Variants in TESK2 observed in about 807,000 individuals in gnomAD.
TESK2 encodes the protein testis associated actin remodelling kinase 2.
Under a neutral mutation model 57.1 loss-of-function variants are expected in TESK2, and 39 were observed. The ratio of observed to expected loss-of-function variants is 0.68; its 90% CI spans 0.53 to 0.89. TESK2 has a LOEUF of 0.89. Among genes scored for constraint, TESK2 ranks in the 40% least tolerant of loss-of-function variants. The probability of loss-of-function intolerance (pLI) is 0.00; values close to 1 mark genes in which losing one functional copy is unlikely to be tolerated. For synonymous variants in TESK2, 249 were observed against 267.9 expected (o/e 0.93, Z 0.69); for missense variants, 646 against 732.1 (o/e 0.88, Z 1.36).
In TESK2 at chr1:45,345,209, TG is replaced by T. The variant is rs1303583979; in HGVS notation, c.1346del (p.Pro449HisfsTer38). The T allele has an allele frequency of 1.5e-5, 24 of 1,613,960 alleles. No individual in the cohort carries two copies. The highest frequency in any genetic ancestry group is 2.0e-5 in the Non-Finnish European group (24 of 1,180,002). ...PLADWQEPLA[P>X]PIRRWRSLPG... ...GCAAGGAACGCCACCGGCGAATAGG[TG>T]GGGCCAGGGGCTCCTGCCAGTCAGC... On this transcript the variant is annotated frameshift_variant, in exon 11 of 11. Coordinates refer to ENST00000372086, the MANE Select transcript of TESK2 (RefSeq NM_007170.3). LOFTEE classifies it high-confidence loss of function.
chr1:45,363,863 T>A (rs1420556347), intron 4 of TESK2, among the ~76,000 whole-genome samples: 1 of 151,976 alleles, frequency 6.6e-6, no homozygotes, highest in Non-Finnish European at 1.5e-5. Context: ...GAGCCCTGAG[T>A]TGGTTACTCA....
At chr1:45,360,874 G>A (rs1230036072) in intron 4 of TESK2, among the ~76,000 whole-genome samples, 1 of 152,210 alleles carries the variant, frequency 6.6e-6, no homozygotes, top group Non-Finnish European at 1.5e-5. Context: ...CTGGAGTGCA[G>A]TGGCGCCATC....
chr1:45,349,788 G>A (rs1294111696), intron 5 of TESK2, among the ~76,000 whole-genome samples: 2 of 152,220 alleles, frequency 1.3e-5, no homozygotes. Context: ...GAAGGAGCTT[G>A]GCAAAAGTGT....
At chr1:45,479,003 G>A (rs1375402335) in intron 1 of TESK2, among the ~76,000 whole-genome samples, 2 of 151,846 alleles carry the variant, frequency 1.3e-5, no homozygotes, top group East Asian at 1.9e-4. Context: ...GGATTACAGG[G>A]GTGAGCAACC....
intron 1 of TESK2, among the ~76,000 whole-genome samples, chr1:45,480,190 G>A (rs1228437926): frequency 6.6e-6 from 1 of 151,600 alleles, no homozygotes; most frequent in African/African-American, 2.4e-5. Context: ...GCCGGGCATG[G>A]TGGCTCACAC....
chr1:45,434,153 C>T (rs192913038), intron 2 of TESK2, among the ~76,000 whole-genome samples: 1 of 152,112 alleles, frequency 6.6e-6, no homozygotes, highest in East Asian at 1.9e-4. Context: ...GCCAGCACAC[C>T]CAGTTAATTT....
intron 7 of TESK2, 131 bp from the exon 8 acceptor site, chr1:45,347,193 C>T (rs1647156047): frequency 1.4e-6 from 1 of 707,766 alleles, no homozygotes; most frequent in African/African-American, 1.8e-5. Flanking sequence ...TACTTCATCC[C>T]AGTCAGTCAC....
At chr1:45,471,247 G>A (rs890954362) in intron 1 of TESK2, among the ~76,000 whole-genome samples, 4 of 151,928 alleles carry the variant, frequency 2.6e-5, no homozygotes, top group African/African-American at 9.7e-5. Context: ...AAGAAGCGGA[G>A]GAGCCAGAAT....
chr1:45,420,878 G>A (rs1472177816), intron 3 of TESK2, among the ~76,000 whole-genome samples: 1 of 152,114 alleles, frequency 6.6e-6, no homozygotes, highest in Middle Eastern at 3.2e-3. Flanking sequence ...GTGAGCCATC[G>A]CGCCCAGCCA....
intron 4 of TESK2, among the ~76,000 whole-genome samples, chr1:45,369,790 C>T (rs2149269664): frequency 6.6e-6 from 1 of 151,854 alleles, no homozygotes; most frequent in Admixed American, 6.6e-5. Context: ...CAGCTCACTG[C>T]AACCTCCACC....
intron 6 of TESK2, 24 bp downstream of exon 6, chr1:45,347,894 C>A (rs1405021104): frequency 6.3e-7 from 1 of 1,594,306 alleles, no homozygotes; most frequent in African/African-American, 1.3e-5. Flanking sequence ...CCCTTGGACC[C>A]CAGCATCCAG....
chr1:45,370,890 A>G (rs1369113078), intron 4 of TESK2, among the ~76,000 whole-genome samples: 1 of 152,162 alleles, frequency 6.6e-6, no homozygotes, highest in Non-Finnish European at 1.5e-5. Context: ...TTTTTCAGGG[A>G]GAAACAAAAT....
intron 4 of TESK2, among the ~76,000 whole-genome samples, chr1:45,373,880 G>T (rs1027680736): frequency 1.3e-5 from 2 of 152,326 alleles, no homozygotes; most frequent in Middle Eastern, 6.8e-3. Context: ...ACTTGCTACA[G>T]ATTCCAAAGT....
intron 4 of TESK2, among the ~76,000 whole-genome samples, chr1:45,372,844 C>T (rs1481087332): frequency 6.6e-6 from 1 of 151,492 alleles, no homozygotes; most frequent in African/African-American, 2.4e-5. Flanking sequence ...CCAGCCTCAA[C>T]ATGGAGAAAC....
chr1:45,382,596 C>T (rs1427069440), intron 4 of TESK2, among the ~76,000 whole-genome samples: 13 of 152,218 alleles, frequency 8.5e-5, no homozygotes, highest in Non-Finnish European at 1.6e-4. Context: ...GCTGGCCGGG[C>T]GCGGTGGCTC....
At chr1:45,421,306 A>G (rs1294787573) in intron 3 of TESK2, among the ~76,000 whole-genome samples, 1 of 152,196 alleles carries the variant, frequency 6.6e-6, no homozygotes, top group African/African-American at 2.4e-5. Context: ...AGTGAGTGCT[A>G]AAAGTTAAGG....
intron 5 of TESK2, among the ~76,000 whole-genome samples, chr1:45,350,665 C>G (rs1647218068): frequency 6.6e-6 from 1 of 152,126 alleles, no homozygotes; most frequent in Admixed American, 6.5e-5. Context: ...TGTGATGTGT[C>G]CCATCCCTTG....
chr1:45,402,595 G>C (rs1029662128), intron 3 of TESK2, among the ~76,000 whole-genome samples: 1 of 151,220 alleles, frequency 6.6e-6, no homozygotes, highest in African/African-American at 2.4e-5. Context: ...CGATTCTCCT[G>C]CCTCAGCCTC....
At chr1:45,379,115 AATATCAC>A (rs1413225844) in intron 4 of TESK2, among the ~76,000 whole-genome samples, 1 of 152,174 alleles carries the variant, frequency 6.6e-6, no homozygotes, top group Non-Finnish European at 1.5e-5. Flanking sequence ...AACTAATAAC[AATATCAC>A]ATATCACAGC....
Sources: allele counts gnomAD v4.1 joint callset (sites outside exome capture counted in the v4.1 genomes callset), GRCh38; gene constraint gnomAD v4.1.1; transcripts MANE v1.5; gene names NCBI Gene and HGNC (gene_info 2026-07-23, HGNC 2026-07-21).